The following ALOX5 variants were observed in gnomAD, a reference collection of about 807,000 sequenced individuals.
ALOX5 encodes arachidonate 5-lipoxygenase, also known as polyunsaturated fatty acid 5-lipoxygenase.
Under a neutral mutation model 87.9 loss-of-function variants are expected in ALOX5, and 64 were observed. The observed-to-expected ratio is 0.73, with a 90% CI of 0.60 to 0.90. The LOEUF (loss-of-function observed/expected upper bound fraction) is 0.90. Ranked by LOEUF, ALOX5 falls within the 40% of genes least tolerant of loss-of-function variation. The pLI, the probability that ALOX5 is intolerant of heterozygous loss-of-function variation, is 0.00. For synonymous variants in ALOX5, 388 were observed against 355.1 expected, an observed-to-expected ratio of 1.09 and a Z score of -1.04; for missense variants, 822 against 907.5, an observed-to-expected ratio of 0.91 and a Z score of 1.21.
At chr10:45,375,775 C>T (rs190167877) in intron 1 of ALOX5, among the ~76,000 whole-genome samples, 119 of 152,338 alleles carry the variant, frequency 7.8e-4, no homozygotes, top group African/African-American at 2.7e-3. Context: ...CTTGAGCTCC[C>T]TTCAAGAAGA....
intron 7 of ALOX5, among the ~76,000 whole-genome samples, chr10:45,436,607 T>G (rs991953264): frequency 1.3e-5 from 2 of 152,236 alleles, no homozygotes; most frequent in Non-Finnish European, 2.9e-5. Flanking sequence ...TCCATTGATC[T>G]CTGTGCCTAT....
chr10:45,395,849 T>G lies in ALOX5; in HGVS notation c.350-6T>G, dbSNP rs1227411811. On this transcript the variant is annotated splice_polypyrimidine_tract_variant and splice_region_variant and intron_variant, in intron 2 of 13. Coordinates refer to ENST00000374391, the MANE Select transcript of ALOX5 (RefSeq NM_000698.5). ...AGGCTCCTCTCATGTTGTTCTTTCTTTACAGCAAAGTTGGCCCGAGATGAC... is the reference window on the plus strand; with the variant it reads ...AGGCTCCTCTCATGTTGTTCTTTCTGTACAGCAAAGTTGGCCCGAGATGAC... 4 of 1,614,102 alleles carry G rather than the reference T, an allele frequency of 2.5e-6. No homozygotes were observed. The highest frequency in any genetic ancestry group is 8.5e-7 in the Non-Finnish European group (1 of 1,179,938).
At chr10:45,411,179 A>T (rs968598245) in intron 3 of ALOX5, among the ~76,000 whole-genome samples, 11 of 152,256 alleles carry the variant, frequency 7.2e-5, no homozygotes, top group African/African-American at 2.7e-4. Context: ...TAATTAGCAT[A>T]TAATGAGTGG....
chr10:45,398,575 G>T (rs1444143976), intron 3 of ALOX5, among the ~76,000 whole-genome samples: 2 of 152,130 alleles, frequency 1.3e-5, no homozygotes, highest in African/African-American at 4.8e-5. Flanking sequence ...ATGAACCACA[G>T]AATGGAAGAA....
chr10:45,440,456 C>T lies in ALOX5; in HGVS notation c.1008C>T (p.Asn336=), dbSNP rs751201354. 1.9e-6 allele frequency: 3 copies of T among 1,614,124 alleles called. No individual in the cohort carries two copies. The highest frequency in any genetic ancestry group is 2.7e-5 in the African/African-American group (2 of 74,940). The change falls in exon 8 of 14, where the codon AAC becomes AAT. Residue 336 remains asparagine (N), a synonymous_variant. Transcript: ENST00000374391. ...IQLNQIPGDE[N]PIFLPSDAKY... is the part of the protein sequence containing the mutation. ...TCAACCAAATCCCGGGAGATGAGAA[C>T]CCTATTTTCCTCCCTTCGGATGCAA...
At chr10:45,441,562 TC>T in intron 9 of ALOX5, 132 bp downstream of exon 9, 1 of 830,310 alleles carries the variant, frequency 1.2e-6, no homozygotes, top group Non-Finnish European at 1.9e-6. Flanking sequence ...GAGCACTGGC[TC>T]CAGCATCCTC....
At chr10:45,392,194 C>G (rs1244549821) in intron 2 of ALOX5, among the ~76,000 whole-genome samples, 1 of 152,222 alleles carries the variant, frequency 6.6e-6, no homozygotes, top group Non-Finnish European at 1.5e-5. Flanking sequence ...GCCACCACCC[C>G]ATCTGGGAGG....
At chr10:45,403,559 A>C (rs1397763210) in intron 3 of ALOX5, among the ~76,000 whole-genome samples, 1 of 151,990 alleles carries the variant, frequency 6.6e-6, no homozygotes, top group Non-Finnish European at 1.5e-5. Context: ...TGTTTTGTAC[A>C]TTTTTCTGCA....
chr10:45,394,852 A>G (rs186466464), intron 2 of ALOX5, among the ~76,000 whole-genome samples: 11 of 152,380 alleles, frequency 7.2e-5, no homozygotes, highest in Admixed American at 5.9e-4. Flanking sequence ...GACACATGAA[A>G]AAATGCTCAT....
At chr10:45,403,081 A>G (rs112433566) in intron 3 of ALOX5, among the ~76,000 whole-genome samples, 69 of 152,322 alleles carry the variant, frequency 4.5e-4, no homozygotes, top group African/African-American at 1.5e-3. Flanking sequence ...GTGGAAAACA[A>G]TTTAGCAATA....
intron 7 of ALOX5, among the ~76,000 whole-genome samples, chr10:45,433,350 A>C (rs1012224974): frequency 6.6e-6 from 1 of 152,244 alleles, no homozygotes; most frequent in African/African-American, 2.4e-5. Context: ...GTGGGCGGTC[A>C]GAGGGTCCTG....
At chr10:45,378,058 T>C (rs1445270170) in intron 1 of ALOX5, among the ~76,000 whole-genome samples, 1 of 152,130 alleles carries the variant, frequency 6.6e-6, no homozygotes. Context: ...CTCCCACGTG[T>C]GAATCCCCCG....
intron 4 of ALOX5, among the ~76,000 whole-genome samples, chr10:45,418,169 G>A (rs931020738): frequency 2.6e-5 from 4 of 152,178 alleles, no homozygotes; most frequent in South Asian, 4.1e-4. Flanking sequence ...GAGTTCTGCG[G>A]GGGAGAGAAG....
In ALOX5 at chr10:45,394,972, G is replaced by A. The variant is rs374761919; in HGVS notation, c.350-883G>A. 1.9e-4 allele frequency among the ~76,000 whole-genome samples: 29 copies of A among 152,314 alleles called. 1 individual carries two copies. The highest frequency in any genetic ancestry group is 1.2e-3 in the South Asian group (6 of 4,826). On this transcript the variant is annotated intron_variant, in intron 2 of 13. Coordinates refer to ENST00000374391, the MANE Select transcript of ALOX5 (RefSeq NM_000698.5). ...CAGGAAACAACAGGTGCTGGAGAGG[G>A]TGTGGAGAAATGGGAACACTTTTAT...
rs193238520 is a variant in ALOX5 at position 45,423,828 on chromosome 10, C to T, written c.555-213C>T. ...GCACTGCAGGCTATTCTGGAGGGTA[C>T]TGGCCTGTCTCTTCGACAGGTGAGG... On this transcript the variant is annotated intron_variant, in intron 4 of 13. Transcript: ENST00000374391. Among the ~76,000 whole-genome samples, 3 of 152,142 alleles carry T rather than the reference C, an allele frequency of 2.0e-5. No individual in the cohort carries two copies. In the East Asian group the frequency reaches 5.8e-4, roughly 29 times the overall value.
chr10:45,421,777 G>A (rs537652944), intron 4 of ALOX5, among the ~76,000 whole-genome samples: 5 of 152,254 alleles, frequency 3.3e-5, no homozygotes, highest in Non-Finnish European at 5.9e-5. Flanking sequence ...ACTGGAAGAT[G>A]ATGCTGGTAT....
chr10:45,423,740 G>A (rs940687336), intron 4 of ALOX5, among the ~76,000 whole-genome samples: 4 of 152,214 alleles, frequency 2.6e-5, no homozygotes, highest in South Asian at 2.1e-4. Context: ...CTGGCCCACC[G>A]AGTGGGGGAC....
intron 1 of ALOX5, among the ~76,000 whole-genome samples, chr10:45,379,375 C>T (rs1472013999): frequency 6.6e-6 from 1 of 152,220 alleles, no homozygotes; most frequent in African/African-American, 2.4e-5. Context: ...GGCCGCCCCT[C>T]AGTCCTCACC....
At chr10:45,384,682 T>C (rs941567013) in intron 2 of ALOX5, among the ~76,000 whole-genome samples, 13 of 152,128 alleles carry the variant, frequency 8.5e-5, no homozygotes, top group African/African-American at 3.1e-4. Flanking sequence ...TGCCAATCTC[T>C]TCAGGCTTGG....
Sources: gnomAD v4.1 joint callset for allele counts (sites outside exome capture counted in the v4.1 genomes callset) on GRCh38, gnomAD v4.1.1 for gene constraint, MANE v1.5 for transcripts, NCBI Gene and HGNC (gene_info 2026-07-23, HGNC 2026-07-21) for gene names.